Variants in KAZN observed in about 807,000 individuals in gnomAD.
KAZN encodes the protein kazrin, periplakin interacting protein, also known as kazrin.
A neutral mutation model predicts 87.4 loss-of-function variants in KAZN; 40 were observed. The observed-to-expected ratio is 0.46, with a 90% CI of 0.36 to 0.60. The LOEUF is 0.60. KAZN is among the 20% of genes least tolerant of loss of function. The pLI is 0.00. For missense variants in KAZN, 898 were observed against 1,073.9 expected (o/e 0.84, Z 2.29); for synonymous variants, 466 against 458.3 (o/e 1.02, Z -0.22).
At chr1:13,960,263 A>G (rs1397010209) in intron 1 of KAZN, among the ~76,000 whole-genome samples, 1 of 152,202 alleles carries the variant, frequency 6.6e-6, no homozygotes, top group East Asian at 1.9e-4. Flanking sequence ...GGACGGCACT[A>G]TCATTATCCC....
intron 5 of KAZN, among the ~76,000 whole-genome samples, chr1:15,059,814 G>A (rs1638625660): frequency 6.6e-6 from 1 of 152,170 alleles, no homozygotes; most frequent in Non-Finnish European, 1.5e-5. Context: ...ATGCATCACG[G>A]TGCTGCTTAG....
Position 15,094,401 on chromosome 1 carries a change from C to A in KAZN, c.1428+16C>A. 1 of 1,602,500 alleles carries A rather than the reference C, an allele frequency of 6.2e-7. No individual in the cohort carries two copies. The highest frequency in any genetic ancestry group is 8.5e-7 in the Non-Finnish European group (1 of 1,173,742). On this transcript the variant is annotated intron_variant, in intron 9 of 14. Coordinates refer to ENST00000376030, the MANE Select transcript of KAZN (RefSeq NM_201628.3). This position sits in a 1 kb window ranked among gnomAD's most constrained non-coding sequence, Gnocchi z 4.5. ...GAGCGGGAAGGTAGGCAACTCCGGG[C>A]CCCCTATGGGATGCCACCCATGCCC... is the stretch of plus-strand genomic sequence containing the variant.
chr1:14,044,523 A>G (rs1362366635), intron 1 of KAZN, among the ~76,000 whole-genome samples: 1 of 152,198 alleles, frequency 6.6e-6, no homozygotes, highest in Non-Finnish European at 1.5e-5. Flanking sequence ...ATGAATTAAT[A>G]TATATAAATA....
intron 1 of KAZN, among the ~76,000 whole-genome samples, chr1:14,811,957 A>G (rs1404300190): frequency 6.6e-6 from 1 of 152,228 alleles, no homozygotes. Flanking sequence ...AAGTACCCCA[A>G]GGATGGTCCT....
chr1:14,611,909 A>G (rs1439585739), intron 1 of KAZN, among the ~76,000 whole-genome samples: 2 of 152,224 alleles, frequency 1.3e-5, no homozygotes, highest in African/African-American at 4.8e-5. Flanking sequence ...TATTGATTGC[A>G]CTTCCTCAAA....
At chr1:14,405,605 A>AGTGTGTGT (rs1553167624) in intron 2 of KAZN, among the ~76,000 whole-genome samples, 186 of 86,220 alleles carry the variant, frequency 2.2e-3, no homozygotes, top group Admixed American at 4.1e-3. Context: ...GACCCAATAA[A>AGTGTGTGT]ATGTGTGTGT....
chr1:14,751,166 C>T (rs1360874714), intron 1 of KAZN, among the ~76,000 whole-genome samples: 1 of 152,142 alleles, frequency 6.6e-6, no homozygotes, highest in African/African-American at 2.4e-5. Context: ...TTTATGTTCA[C>T]CCTAAATTCC....
chr1:13,992,578 G>A (rs182855210), intron 1 of KAZN, among the ~76,000 whole-genome samples: 1 of 152,250 alleles, frequency 6.6e-6, no homozygotes, highest in Non-Finnish European at 1.5e-5. Flanking sequence ...TTAAGATAAT[G>A]GCCCTGAGAT....
At chr1:14,734,406 T>C (rs10927524) in intron 1 of KAZN, among the ~76,000 whole-genome samples, 95,805 of 150,862 alleles carry the variant, frequency 0.64, 30,929 homozygotes, top group East Asian at 0.79. Context: ...CGGGTTCAAG[T>C]GATTCTCCTG....
intron 8 of KAZN, among the ~76,000 whole-genome samples, chr1:15,084,220 C>T (rs530006692): frequency 2.6e-5 from 4 of 152,342 alleles, no homozygotes; most frequent in African/African-American, 9.6e-5. Flanking sequence ...ATACCAGGCC[C>T]TGGTAATACA....
intron 1 of KAZN, among the ~76,000 whole-genome samples, chr1:14,140,744 G>C (rs1487966624): frequency 2.0e-5 from 3 of 152,028 alleles, no homozygotes; most frequent in East Asian, 1.9e-4. Context: ...GAAGTTTCAG[G>C]CTTCTCTGGA....
At chr1:14,798,042 CAGAG>C (rs2100722347) in intron 1 of KAZN, among the ~76,000 whole-genome samples, 1 of 152,282 alleles carries the variant, frequency 6.6e-6, no homozygotes, top group Non-Finnish European at 1.5e-5. Flanking sequence ...AACTGAGGCA[CAGAG>C]AGGTTAAGAA....
chr1:15,034,658 A>C, intron 2 of KAZN, 91 bp from the exon 3 acceptor site: 1 of 1,458,750 alleles, frequency 6.9e-7, no homozygotes, highest in South Asian at 1.3e-5. Context: ...ACCTGTTACA[A>C]AGGTGACGGC....
intron 2 of KAZN, among the ~76,000 whole-genome samples, chr1:14,465,470 G>A (rs1191169637): frequency 6.7e-6 from 1 of 149,838 alleles, no homozygotes; most frequent in Non-Finnish European, 1.5e-5. Context: ...TCTGGATTCT[G>A]CTGTACCTAT....
chr1:14,662,901 TA>T (rs1639277061), intron 1 of KAZN, among the ~76,000 whole-genome samples: 1 of 147,618 alleles, frequency 6.8e-6, no homozygotes. Flanking sequence ...ATTATATATG[TA>T]AATATATATA....
intron 1 of KAZN, among the ~76,000 whole-genome samples, chr1:14,939,811 G>A (rs1344180269): frequency 6.6e-6 from 1 of 152,218 alleles, no homozygotes; most frequent in Admixed American, 6.5e-5. Context: ...GTCCCTGCCA[G>A]GCTGGACAGA....
chr1:14,451,805 C>G (rs1667292422), intron 2 of KAZN, among the ~76,000 whole-genome samples: 1 of 152,144 alleles, frequency 6.6e-6, no homozygotes, highest in South Asian at 2.1e-4. Flanking sequence ...AATCCAAACC[C>G]AAGGACCAGA....
intron 2 of KAZN, among the ~76,000 whole-genome samples, chr1:14,536,035 A>G (rs1672485874): frequency 2.6e-5 from 4 of 152,240 alleles, no homozygotes; most frequent in Admixed American, 2.6e-4. Context: ...AGGACTCCCT[A>G]ATTACTGGAG....
intron 2 of KAZN, among the ~76,000 whole-genome samples, chr1:14,238,063 C>T (rs779293074): frequency 3.3e-5 from 5 of 152,170 alleles, no homozygotes; most frequent in African/African-American, 1.2e-4. Flanking sequence ...AGATAAAATT[C>T]ACATACCATA....
Sources: allele counts gnomAD v4.1 joint callset (sites outside exome capture counted in the v4.1 genomes callset), GRCh38; gene constraint gnomAD v4.1.1; non-coding constraint Gnocchi (gnomAD v3.1); transcripts MANE v1.5; gene names NCBI Gene and HGNC (gene_info 2026-07-23, HGNC 2026-07-21).